Variants in SMAP1 observed in about 807,000 individuals in gnomAD.
The protein encoded by SMAP1 is small ArfGAP 1.
A neutral mutation model predicts 58.5 loss-of-function variants in SMAP1; 24 were observed. That is an observed-to-expected ratio of 0.41 (90% CI 0.30 to 0.58). SMAP1 has a LOEUF of 0.58. Among genes scored for constraint, SMAP1 ranks in the 20% least tolerant of loss-of-function variants. The pLI, the probability that SMAP1 is intolerant of heterozygous loss-of-function variation, is 0.29. For missense variants in SMAP1, 563 were observed against 566.3 expected (o/e 0.99, Z 0.06); for synonymous variants, 216 against 196.6 (o/e 1.10, Z -0.82).
At position 70,668,000 on chromosome 6, in the gene SMAP1, C is replaced by A; in HGVS notation, c.-24C>A. The A allele has an allele frequency of 6.4e-7, 1 of 1,566,696 alleles. No homozygotes were observed. Among genetic ancestry groups the A allele is most frequent in the African/African-American group, 1.4e-5 (1 of 71,766 alleles). On this transcript the variant is annotated 5_prime_UTR_variant, in exon 1 of 11. Coordinates refer to ENST00000370455, the MANE Select transcript of SMAP1 (RefSeq NM_001044305.3). ...GCGTCCGCCGCCGCCGTAGCTGCCCCAGGCTCCCCGCCCCGCTGCCGAGAT... is the reference window on the plus strand; with the variant it reads ...GCGTCCGCCGCCGCCGTAGCTGCCCAAGGCTCCCCGCCCCGCTGCCGAGAT...
chr6:70,703,583 G>A (rs540286056), intron 1 of SMAP1, among the ~76,000 whole-genome samples: 3 of 152,166 alleles, frequency 2.0e-5, no homozygotes, highest in Admixed American at 6.5e-5. Flanking sequence ...AAAATTCTTC[G>A]AATACCATAT....
At chr6:70,668,574 A>AC in intron 1 of SMAP1, 6 of 1,534,758 alleles carry the variant, frequency 3.9e-6, no homozygotes, top group Non-Finnish European at 4.4e-6. Context: ...CCCCTCCTCT[A>AC]CCCTCCGGTG....
At chr6:70,729,167 T>C (rs1475617889) in intron 1 of SMAP1, among the ~76,000 whole-genome samples, 1 of 152,044 alleles carries the variant, frequency 6.6e-6, no homozygotes, top group Non-Finnish European at 1.5e-5. Flanking sequence ...AGGCTGGGCG[T>C]GATGGCTCAT....
In SMAP1 at chr6:70,857,993, ATGGGCG is replaced by A; in HGVS notation, c.1036_1041del (p.Gly346_Val347del). 6.2e-7 allele frequency: 1 copy of A among 1,614,120 alleles called. No individual in the cohort carries two copies. Among genetic ancestry groups the A allele is most frequent in the South Asian group, 1.1e-5 (1 of 91,086 alleles). On this transcript the variant is annotated inframe_deletion, in exon 10 of 11. Coordinates refer to ENST00000370455, the MANE Select transcript of SMAP1 (RefSeq NM_001044305.3). ...AGCTGCATTTCAGGGCTTTCCATCG[ATGGGCG>A]TGCCTGTGCCTGCAGCTCCTGGCCT...
chr6:70,766,803 A>G lies in SMAP1; in HGVS notation c.339-6547A>G, dbSNP rs529597167. ...TTGTTGCCATTGCTGTTGGTGTTTT[A>G]GACATGAAGTCCTTGCCCATGCCTA... is the stretch of plus-strand genomic sequence containing the variant. On this transcript the variant is annotated intron_variant, in intron 3 of 10. Transcript: ENST00000370455. Among the ~76,000 whole-genome samples the G allele has an allele frequency of 9.6e-4, 146 of 152,282 alleles. 3 individuals are homozygous for G. Among genetic ancestry groups the G allele is most frequent in the Non-Finnish European group, 1.7e-3 (118 of 68,022 alleles).
At chr6:70,795,396 G>C (rs1279014766) in intron 5 of SMAP1, among the ~76,000 whole-genome samples, 1 of 152,172 alleles carries the variant, frequency 6.6e-6, no homozygotes, top group Non-Finnish European at 1.5e-5. Context: ...ACTTCTCACA[G>C]TTCTGGAGGC....
In SMAP1 at chr6:70,773,344, T is replaced by C; in HGVS notation, c.339-6T>C. 6.5e-7 allele frequency: 1 copy of C among 1,546,896 alleles called. No homozygotes were observed. Among genetic ancestry groups the C allele is most frequent in the South Asian group, 1.2e-5 (1 of 86,484 alleles). The stretch of plus-strand genomic sequence containing the variant: ...TCATGCTTTTCCTTAAGTTATCTGT[T>C]TTCAGAGCAGTGGAATTTTTCATCA... On this transcript the variant is annotated splice_region_variant and splice_polypyrimidine_tract_variant and intron_variant, in intron 3 of 10. Transcript: ENST00000370455.
intron 2 of SMAP1, among the ~76,000 whole-genome samples, chr6:70,743,348 C>T (rs923347576): frequency 2.6e-5 from 4 of 152,102 alleles, no homozygotes; most frequent in Non-Finnish European, 5.9e-5. Flanking sequence ...AGTTTTTCTA[C>T]CTATGCCTTT....
At chr6:70,702,440 G>T (rs1421448696) in intron 1 of SMAP1, among the ~76,000 whole-genome samples, 2 of 151,624 alleles carry the variant, frequency 1.3e-5, no homozygotes, top group Non-Finnish European at 2.9e-5. Context: ...CTATTGCTTT[G>T]TCTTCACATT....
At chr6:70,695,755 G>T (rs766174302) in intron 1 of SMAP1, among the ~76,000 whole-genome samples, 15 of 152,094 alleles carry the variant, frequency 9.9e-5, no homozygotes, top group Non-Finnish European at 1.5e-4. Flanking sequence ...TGATGTGTCT[G>T]TCTGGTTTTG....
At chr6:70,848,726 A>G (rs1013870047) in intron 7 of SMAP1, among the ~76,000 whole-genome samples, 1 of 152,264 alleles carries the variant, frequency 6.6e-6, no homozygotes, top group Non-Finnish European at 1.5e-5. Context: ...TAATGATGGT[A>G]ATGATAACGA....
At chr6:70,695,336 C>T (rs1298219193) in intron 1 of SMAP1, among the ~76,000 whole-genome samples, 1 of 152,112 alleles carries the variant, frequency 6.6e-6, no homozygotes, top group Non-Finnish European at 1.5e-5. Context: ...ACAGTAGTGA[C>T]AGTGGGCATC....
At chr6:70,690,705 TA>T (rs1201791680) in intron 1 of SMAP1, among the ~76,000 whole-genome samples, 37 of 140,606 alleles carry the variant, frequency 2.6e-4, no homozygotes, top group African/African-American at 8.4e-4. Flanking sequence ...TATATATATA[TA>T]TATTTTTGAA....
chr6:70,845,463 A>C (rs2150004765), intron 7 of SMAP1, among the ~76,000 whole-genome samples: 1 of 152,370 alleles, frequency 6.6e-6, no homozygotes, highest in South Asian at 2.1e-4. Flanking sequence ...ATTCCAATTT[A>C]AATTCTATTT....
At chr6:70,768,499 A>G (rs1248017518) in intron 3 of SMAP1, among the ~76,000 whole-genome samples, 2 of 152,192 alleles carry the variant, frequency 1.3e-5, no homozygotes, top group Non-Finnish European at 2.9e-5. Flanking sequence ...GTGTCGAGGA[A>G]TTTATCCATT....
At chr6:70,698,441 T>C (rs1767498791) in intron 1 of SMAP1, among the ~76,000 whole-genome samples, 1 of 152,252 alleles carries the variant, frequency 6.6e-6, no homozygotes, top group African/African-American at 2.4e-5. Context: ...TGTCTAGGTT[T>C]GGAAAATTCT....
intron 6 of SMAP1, among the ~76,000 whole-genome samples, chr6:70,810,823 A>C (rs928843305): frequency 2.0e-5 from 3 of 152,184 alleles, no homozygotes; most frequent in African/African-American, 7.2e-5. Flanking sequence ...GTCAGGCATA[A>C]GCCACTGCAC....
intron 1 of SMAP1, among the ~76,000 whole-genome samples, chr6:70,717,609 T>A (rs531375946): frequency 5.9e-5 from 9 of 152,330 alleles, no homozygotes; most frequent in Admixed American, 5.2e-4. Flanking sequence ...TGGCTTTCTC[T>A]CAGAGGAAAT....
chr6:70,700,911 G>A (rs947628907), intron 1 of SMAP1, among the ~76,000 whole-genome samples: 2 of 152,216 alleles, frequency 1.3e-5, no homozygotes, highest in African/African-American at 4.8e-5. Context: ...GGCCCAGGGT[G>A]TGTCTAGAAT....
Sources: allele counts gnomAD v4.1 joint callset (sites outside exome capture counted in the v4.1 genomes callset), GRCh38; gene constraint gnomAD v4.1.1; transcripts MANE v1.5; gene names NCBI Gene and HGNC (gene_info 2026-07-23, HGNC 2026-07-21).